CADM2: variants seen among roughly 807,000 people sequenced by gnomAD.
The protein encoded by CADM2 is cell adhesion molecule 2.
In CADM2, 12 loss-of-function variants were observed where a neutral mutation model predicts 49.8. The ratio of observed to expected loss-of-function variants is 0.24; its 90% CI spans 0.15 to 0.39. The LOEUF (loss-of-function observed/expected upper bound fraction) is 0.39, where lower values mean the gene tolerates loss of function less well. Ranked by LOEUF, CADM2 falls within the 10% of genes least tolerant of loss-of-function variation. CADM2 has a pLI of 1.00. For missense variants in CADM2, 378 were observed against 492.3 expected, an observed-to-expected ratio of 0.77 and a Z score of 2.20; for synonymous variants, 214 against 175.4, an observed-to-expected ratio of 1.22 and a Z score of -1.74.
At chr3:85,121,221 C>G (rs562212891) in intron 1 of CADM2, among the ~76,000 whole-genome samples, 1 of 152,258 alleles carries the variant, frequency 6.6e-6, no homozygotes, top group Admixed American at 6.5e-5. Context: ...TCAGAAATTA[C>G]AAAACACTCA....
chr3:85,686,031 T>G (rs1254510770), intron 1 of CADM2, among the ~76,000 whole-genome samples: 1 of 152,240 alleles, frequency 6.6e-6, no homozygotes, highest in East Asian at 1.9e-4. Context: ...GGTATTTGTT[T>G]CTGTTTAGAG....
At chr3:84,986,195 T>A (rs1223936670) in intron 1 of CADM2, among the ~76,000 whole-genome samples, 1 of 152,232 alleles carries the variant, frequency 6.6e-6, no homozygotes, top group Non-Finnish European at 1.5e-5. Flanking sequence ...TTAACTTTTT[T>A]ACTTGATATT....
intron 2 of CADM2, among the ~76,000 whole-genome samples, chr3:85,798,337 T>C (rs1166293275): frequency 1.3e-5 from 2 of 152,216 alleles, no homozygotes; most frequent in Non-Finnish European, 2.9e-5. Flanking sequence ...CATGAAGTCT[T>C]TGCCCATGCC....
At chr3:85,325,908 C>A (rs992826326) in intron 1 of CADM2, among the ~76,000 whole-genome samples, 1 of 152,006 alleles carries the variant, frequency 6.6e-6, no homozygotes. Flanking sequence ...TCTCCTCAAG[C>A]GACTTACATC....
chr3:85,912,428 C>T lies in CADM2; in HGVS notation c.585C>T (p.Ser195=). The stretch of plus-strand genomic sequence containing the variant: ...ATCGCAAGACATTCACTGTCAGCAG[C>T]ACACTGGACTTCCGAGTGGACCGGA... ...DANRKTFTVS[S]TLDFRVDRSD... is the part of the protein sequence containing the mutation. The change falls in exon 6 of 10, where the codon AGC becomes AGT. Residue 195 remains serine (S), a synonymous_variant. Transcript: ENST00000383699. 5.6e-6 allele frequency: 9 copies of T among 1,613,916 alleles called. No homozygotes were observed. Among genetic ancestry groups the T allele is most frequent in the Non-Finnish European group, 7.6e-6 (9 of 1,179,910 alleles).
chr3:85,666,304 C>T (rs57855365), intron 1 of CADM2, among the ~76,000 whole-genome samples: 52,255 of 151,640 alleles, frequency 0.34, 10,338 homozygotes, highest in African/African-American at 0.55. Flanking sequence ...TATCTCACTG[C>T]GAAATTGTTG....
chr3:84,987,868 T>C (rs1171490320), intron 1 of CADM2, among the ~76,000 whole-genome samples: 1 of 152,184 alleles, frequency 6.6e-6, no homozygotes, highest in Non-Finnish European at 1.5e-5. Flanking sequence ...GCATCTGTTT[T>C]CCTAATTGGT....
chr3:85,139,403 G>C (rs1247669480), intron 1 of CADM2, among the ~76,000 whole-genome samples: 4 of 151,750 alleles, frequency 2.6e-5, no homozygotes, highest in African/African-American at 9.7e-5. Context: ...TCATATTTCA[G>C]CTTTTGAGTT....
chr3:85,760,275 C>T (rs13068138), intron 2 of CADM2, among the ~76,000 whole-genome samples: 21,905 of 151,406 alleles, frequency 0.14, 2,006 homozygotes, highest in Non-Finnish European at 0.2. Flanking sequence ...GATTTGCAGG[C>T]GTAACTTGCA....
intron 1 of CADM2, among the ~76,000 whole-genome samples, chr3:85,189,094 G>T (rs1265746127): frequency 1.5e-5 from 2 of 135,848 alleles, no homozygotes; most frequent in Non-Finnish European, 3.3e-5. Context: ...AATAAATAGC[G>T]AGCAAATAGA....
intron 1 of CADM2, among the ~76,000 whole-genome samples, chr3:85,068,384 A>C (rs1272229250): frequency 1.3e-5 from 2 of 152,184 alleles, no homozygotes; most frequent in Non-Finnish European, 2.9e-5. Flanking sequence ...TTCTCTAGAC[A>C]CACAATCTGG....
intron 1 of CADM2, among the ~76,000 whole-genome samples, chr3:85,669,538 A>C (rs1199958960): frequency 6.6e-6 from 1 of 152,190 alleles, no homozygotes; most frequent in Non-Finnish European, 1.5e-5. Context: ...TTGTCATAGA[A>C]TGAAGAGCAA....
chr3:85,939,131 A>G (rs1268906795), intron 7 of CADM2, among the ~76,000 whole-genome samples: 1 of 151,882 alleles, frequency 6.6e-6, no homozygotes, highest in East Asian at 1.9e-4. Flanking sequence ...CTTGTTCTAA[A>G]TGTGAGGGCC....
At chr3:85,439,973 T>TG (rs1304398208) in intron 1 of CADM2, among the ~76,000 whole-genome samples, 2 of 152,246 alleles carry the variant, frequency 1.3e-5, no homozygotes, top group Non-Finnish European at 2.9e-5. Context: ...ACATTATTTT[T>TG]GGATTATTTC....
chr3:85,930,500 T>C, intron 6 of CADM2, among the ~76,000 whole-genome samples: 1 of 152,168 alleles, frequency 6.6e-6, no homozygotes, highest in East Asian at 1.9e-4. Flanking sequence ...GTTAAATTAC[T>C]ATTGACTATA....
chr3:85,627,100 A>AT (rs2064150645), intron 1 of CADM2, among the ~76,000 whole-genome samples: 1 of 151,982 alleles, frequency 6.6e-6, no homozygotes, highest in African/African-American at 2.4e-5. Context: ...ACTTTCATTA[A>AT]ATTTTTTTTT....
intron 1 of CADM2, among the ~76,000 whole-genome samples, chr3:85,458,463 T>C (rs1025856643): frequency 6.6e-6 from 1 of 152,216 alleles, no homozygotes; most frequent in Non-Finnish European, 1.5e-5. Flanking sequence ...GAAATATGTA[T>C]TGATCTCCTG....
At chr3:85,530,996 T>G in intron 1 of CADM2, among the ~76,000 whole-genome samples, 1 of 151,786 alleles carries the variant, frequency 6.6e-6, no homozygotes, top group East Asian at 1.9e-4. Flanking sequence ...AGTTTTAAAA[T>G]ACCCTCTCCA....
At chr3:85,473,834 T>G (rs143620335) in intron 1 of CADM2, among the ~76,000 whole-genome samples, 68 of 152,198 alleles carry the variant, frequency 4.5e-4, no homozygotes, top group African/African-American at 1.3e-3. Context: ...CAGTGGCCCA[T>G]GCCTGTACAA....
Sources: allele counts gnomAD v4.1 joint callset (sites outside exome capture counted in the v4.1 genomes callset), GRCh38; gene constraint gnomAD v4.1.1; transcripts MANE v1.5; gene names NCBI Gene and HGNC (gene_info 2026-07-23, HGNC 2026-07-21).